Variants in STAC3 observed in about 807,000 individuals in gnomAD.
STAC3 encodes the protein SH3 and cysteine rich domain 3.
In STAC3, 30 loss-of-function variants were observed where a neutral mutation model predicts 48.5. That is an observed-to-expected ratio of 0.62 (90% confidence interval 0.46 to 0.84). The LOEUF is 0.84. STAC3 is among the 40% of genes least tolerant of loss of function. The pLI, the probability that STAC3 is intolerant of heterozygous loss-of-function variation, is 0.00. For synonymous variants in STAC3, 144 were observed against 158.6 expected (o/e 0.91, Z 0.69); for missense variants, 419 against 462.6 (o/e 0.91, Z 0.86).
rs1314291739 is a variant in STAC3 at position 57,244,928 on chromosome 12, T to C, written c.708A>G (p.Thr236=). Residue 236 remains threonine (T), a synonymous_variant, in exon 8 of 12, where the codon ACA becomes ACG. Coordinates refer to ENST00000332782, the MANE Select transcript of STAC3 (RefSeq NM_145064.3). ...GAAGGATTCTTACCTTGTCATCAGG[T>C]GTCTTCTTCTCAGCCTTCTTATCCC... is the stretch of plus-strand genomic sequence containing the variant. ...PEGDKKAEKK[T]PDDKHKQPGF... is the part of the protein sequence containing the mutation. The C allele has an allele frequency of 2.5e-6, 4 of 1,614,142 alleles. No individual in the cohort carries two copies. Among genetic ancestry groups the C allele is most frequent in the Non-Finnish European group, 3.4e-6 (4 of 1,180,022 alleles).
At position 57,244,183 on chromosome 12, in the gene STAC3, T is replaced by A; in HGVS notation, c.901A>T (p.Ile301Phe). 1 of 1,614,064 alleles carries A rather than the reference T, an allele frequency of 6.2e-7. No homozygotes were observed. The highest frequency in any genetic ancestry group is 8.5e-7 in the Non-Finnish European group (1 of 1,180,008). ...EKVGFFPPNF[I>F]IRVRAGERVH... ...CGTTCTCCAGCCCGGACCCGAATGA[T>A]GAAGTTTGGAGGGAAAAATCCGACC... Residue 301 changes from isoleucine (I) to phenylalanine (F), a missense_variant, in exon 11 of 12, where the codon ATC (isoleucine) becomes TTC (phenylalanine). By Grantham distance (21) the Ile-to-Phe change is conservative (BLOSUM62 0). Coordinates refer to ENST00000332782, the MANE Select transcript of STAC3 (RefSeq NM_145064.3).
rs2037753878 is a variant in STAC3, at chr12:57,246,888, G to A, written c.519C>T (p.Arg173=). Residue 173 remains arginine, a synonymous_variant, in exon 6 of 12, where the codon CGC becomes CGT. Coordinates refer to ENST00000332782, the MANE Select transcript of STAC3 (RefSeq NM_145064.3). ...GCAGGGTTTCAAACACAGGATCATT[G>A]CGATTGGCAGCAGCTAATCGAATGG... ...ACVKDLSAAN[R]NDPVFETLRT... 4 of 1,613,698 alleles carry A rather than the reference G, an allele frequency of 2.5e-6. No individual in the cohort carries two copies. The highest frequency in any genetic ancestry group is 3.4e-6 in the Non-Finnish European group (4 of 1,179,748).
chr12:57,244,694 G>A (rs781127345), intron 8 of STAC3, 72 bp from the exon 9 acceptor site: 311 of 1,557,146 alleles, frequency 2.0e-4, no homozygotes, highest in Non-Finnish European at 2.6e-4. Flanking sequence ...TCCAAGGCAG[G>A]GACATTCACC....
intron 6 of STAC3, among the ~76,000 whole-genome samples, chr12:57,246,109 CAAAAAAA>C (rs71084732): frequency 1.2e-5 from 1 of 80,274 alleles, no homozygotes. Flanking sequence ...AACTCTATCT[CAAAAAAA>C]AAAAAAAAAA....
Position 57,244,091 on chromosome 12 carries a change from G to A in STAC3, c.993C>T (p.Asp331=), listed in dbSNP as rs368287828. The A allele has an allele frequency of 6.2e-6, 10 of 1,613,962 alleles. No homozygotes were observed. Among genetic ancestry groups the A allele is most frequent in the Admixed American group, 1.7e-5 (1 of 59,976 alleles). The change falls in exon 11 of 12, where the codon GAC becomes GAT. Residue 331 remains aspartate (D), a synonymous_variant. Coordinates refer to ENST00000332782, the MANE Select transcript of STAC3 (RefSeq NM_145064.3). ...REIGQITLKK[D]QIVVQKGDEA... ...TTGGGTTGGGGCAACAGCCTACCTG[G>A]TCCTTCTTGAGAGTGATCTGCCCTA... is the stretch of plus-strand genomic sequence containing the variant.
At chr12:57,248,343 C>A in intron 4 of STAC3, 145 bp from the exon 5 acceptor site, 1 of 703,248 alleles carries the variant, frequency 1.4e-6, no homozygotes, top group Non-Finnish European at 2.5e-6. Flanking sequence ...GAGGAGAGAC[C>A]AGCAAGGGGT....
At position 57,244,897 on chromosome 12, in the gene STAC3, A is replaced by G; in HGVS notation, c.720+19T>C. On this transcript the variant is annotated intron_variant, in intron 8 of 11. Transcript: ENST00000332782. ...TTGGGGAGAGAACTGGGTTCCTTGC[A>G]GGGAGGAAGGATTCTTACCTTGTCA... 1 of 1,614,002 alleles carries G rather than the reference A, an allele frequency of 6.2e-7. No individual in the cohort carries two copies. The highest frequency in any genetic ancestry group is 8.5e-7 in the Non-Finnish European group (1 of 1,179,902).
At chr12:57,249,433 G>T in intron 2 of STAC3, 125 bp from the exon 3 acceptor site, 1 of 1,494,162 alleles carries the variant, frequency 6.7e-7, no homozygotes, top group African/African-American at 1.4e-5. Context: ...CAGGATTAGG[G>T]GGGTATTGGT....
rs1357619620 is a variant in STAC3 at position 57,243,558 on chromosome 12, CGT to C, written c.*252_*253del. 32 of 454,754 alleles carry C rather than the reference CGT, an allele frequency of 7.0e-5. No individual in the cohort carries two copies. In the East Asian group the frequency reaches 2.3e-3, roughly 32 times the overall value. 28.2% of individuals were successfully genotyped at this position (454,754 alleles called of 1,614,324 possible). ...TCCCTGGCTCCTCCTAGTAGATACG[CGT>C]TTTTTTCCAGCTCTTGCAAGCGGGG... On this transcript the variant is annotated 3_prime_UTR_variant, in exon 12 of 12. Transcript: ENST00000332782.
At position 57,246,133 on chromosome 12, in the gene STAC3, G is replaced by A. The variant is rs1231430872; in HGVS notation, c.603+671C>T. On this transcript the variant is annotated intron_variant, in intron 6 of 11. Transcript: ENST00000332782. Reference sequence around the variant, plus strand: ...TCAAAAAAAAAAAAAAAAAAAAAAAGAGCAGCACAATTTTTATAATTCCCT... The same window carrying A: ...TCAAAAAAAAAAAAAAAAAAAAAAAAAGCAGCACAATTTTTATAATTCCCT... 6.4e-3 allele frequency among the ~76,000 whole-genome samples: 672 copies of A among 104,692 alleles called. 4 individuals are homozygous for A. Among genetic ancestry groups the A allele is most frequent in the African/African-American group, 0.023 (621 of 26,476 alleles). 68.7% of individuals were successfully genotyped at this position (104,692 alleles called of 152,430 possible). A position where few individuals can be genotyped will look rare whatever the true frequency, so the allele number is the denominator to read the frequency against.
rs1006870708 is a variant in STAC3, at chr12:57,243,804, C to T, written c.*8G>A. ...GTGGGTGTCTCCCGCTTGCAGGCGC[C>T]CGCACGCCTAAATTTCCTCTAGAAA... On this transcript the variant is annotated 3_prime_UTR_variant, in exon 12 of 12. Coordinates refer to ENST00000332782, the MANE Select transcript of STAC3 (RefSeq NM_145064.3). 1 of 1,613,424 alleles carries T rather than the reference C, an allele frequency of 6.2e-7. No homozygotes were observed. Among genetic ancestry groups the T allele is most frequent in the Non-Finnish European group, 8.5e-7 (1 of 1,179,576 alleles).
At chr12:57,250,638 T>C (rs2037879961) in intron 1 of STAC3, among the ~76,000 whole-genome samples, 1 of 152,122 alleles carries the variant, frequency 6.6e-6, no homozygotes, top group Non-Finnish European at 1.5e-5. Context: ...TTAATGTGTG[T>C]CCTCGTGTGC....
rs775568647 is a variant in STAC3, at chr12:57,248,747, A to G, written c.391T>C (p.Cys131Arg). 6.2e-7 allele frequency: 1 copy of G among 1,613,928 alleles called. No individual in the cohort carries two copies. Among genetic ancestry groups the G allele is most frequent in the Non-Finnish European group, 8.5e-7 (1 of 1,179,970 alleles). The stretch of plus-strand genomic sequence containing the variant: ...CTCTGCATTTCCACATAGGACTGAC[A>G]GTGTTCATGGATGTTGGTTTTGCAG... Reference protein sequence around the residue: ...KNCKTNIHEHCQSYVEMQRCF... With the variant: ...KNCKTNIHEHRQSYVEMQRCF... The change falls in exon 4 of 12, where the codon TGT (cysteine) becomes CGT (arginine). Residue 131 changes from cysteine to arginine, a missense_variant. Physicochemically the swap from Cys to Arg is radical, Grantham distance 180 (BLOSUM62 -3). Transcript: ENST00000332782.
chr12:57,247,023 G>A (rs902361786), intron 5 of STAC3, 122 bp from the exon 6 acceptor site: 12 of 887,644 alleles, frequency 1.4e-5, no homozygotes, highest in Non-Finnish European at 2.2e-5. Flanking sequence ...GGCGGTGGGG[G>A]CGCCGCGGGG....
chr12:57,247,296 C>T (rs1478400116), intron 5 of STAC3, among the ~76,000 whole-genome samples: 2 of 152,026 alleles, frequency 1.3e-5, no homozygotes, highest in Non-Finnish European at 2.9e-5. Flanking sequence ...TGAGGTGCTG[C>T]CACCAATAGG....
At chr12:57,249,539 C>CG in intron 2 of STAC3, 32 bp downstream of exon 2, 1 of 1,612,904 alleles carries the variant, frequency 6.2e-7, no homozygotes, top group African/African-American at 1.3e-5. Context: ...TTCCCAGCCC[C>CG]CCACACCCAG....
intron 3 of STAC3, 114 bp from the exon 4 acceptor site, chr12:57,248,917 T>A: frequency 6.5e-7 from 1 of 1,534,560 alleles, no homozygotes. Flanking sequence ...GCTCAATCTC[T>A]AATAGCATTG....
intron 1 of STAC3, among the ~76,000 whole-genome samples, chr12:57,250,458 G>C (rs1199965727): frequency 1.4e-5 from 2 of 144,666 alleles, no homozygotes; most frequent in African/African-American, 5.1e-5. Flanking sequence ...TCCTCAAACT[G>C]ATACTCATCC....
At chr12:57,250,503 C>A (rs2037876199) in intron 1 of STAC3, among the ~76,000 whole-genome samples, 2 of 151,938 alleles carry the variant, frequency 1.3e-5, no homozygotes, top group African/African-American at 4.8e-5. Flanking sequence ...AGTTTACAGC[C>A]CTTACACAGT....
Sources: allele counts gnomAD v4.1 joint callset (sites outside exome capture counted in the v4.1 genomes callset), GRCh38; gene constraint gnomAD v4.1.1; transcripts MANE v1.5; gene names NCBI Gene and HGNC (gene_info 2026-07-23, HGNC 2026-07-21).